EMILIN1: variants seen among roughly 807,000 people sequenced by gnomAD.
EMILIN1 encodes the protein EMILIN-1.
EMILIN1 carries 49 observed loss-of-function variants against 82.4 expected under a neutral mutation model. The observed-to-expected ratio is 0.59, with a 90% confidence interval of 0.47 to 0.75. The LOEUF is 0.75. Among genes scored for constraint, EMILIN1 ranks in the 30% least tolerant of loss-of-function variants. The probability of loss-of-function intolerance (pLI) is 0.00; values close to 1 mark genes in which losing one functional copy is unlikely to be tolerated. For synonymous variants in EMILIN1, 604 were observed against 602.2 expected (o/e 1.00, Z -0.04); for missense variants, 1,313 against 1,366.4 (o/e 0.96, Z 0.62).
chr2:27,084,132 C>G, intron 4 of EMILIN1, 121 bp downstream of exon 4: 2 of 1,141,934 alleles, frequency 1.8e-6, no homozygotes, highest in South Asian at 1.8e-5. Context: ...AATTGCAGCC[C>G]CAGCCAGTAT....
At position 27,086,299 on chromosome 2, in the gene EMILIN1, G is replaced by A. The variant is rs972437021; in HGVS notation, c.*284G>A. 2 of 340,872 alleles carry A rather than the reference G, an allele frequency of 5.9e-6. No individual in the cohort carries two copies. The highest frequency in any genetic ancestry group is 2.1e-5 in the African/African-American group (1 of 46,918). The allele number at this position is 340,872 out of a possible 1,614,324, so 21.1% of individuals were successfully genotyped here. ...CTCGCACCCTCCGCTCCCTCCACTG[G>A]CCCTCCAGGTCGATTCCCTGGGCTC... On this transcript the variant is annotated 3_prime_UTR_variant, in exon 8 of 8. Coordinates refer to ENST00000380320, the MANE Select transcript of EMILIN1 (RefSeq NM_007046.4).
intron 7 of EMILIN1, 109 bp downstream of exon 7, chr2:27,085,406 T>TG: frequency 7.3e-7 from 1 of 1,373,190 alleles, no homozygotes; most frequent in South Asian, 1.2e-5. Flanking sequence ...TTCTCTGATT[T>TG]GGGGAGACCC....
Position 27,080,206 on chromosome 2 carries a change from G to C in EMILIN1, c.226G>C (p.Val76Leu). Residue 76 changes from valine to leucine, a missense_variant, in exon 2 of 8, where the codon GTG (valine) becomes CTG (leucine). Coordinates refer to ENST00000380320, the MANE Select transcript of EMILIN1 (RefSeq NM_007046.4). The stretch of plus-strand genomic sequence containing the variant: ...AGTGAGCTGTGTCCTTGAGGATGGA[G>C]TGGAGACATATGTCAAGTACCAGCC... ...RTVSCVLEDG[V>L]ETYVKYQPCA... is the part of the protein sequence containing the mutation. 1 of 1,614,166 alleles carries C rather than the reference G, an allele frequency of 6.2e-7. No homozygotes were observed. The highest frequency in any genetic ancestry group is 8.5e-7 in the Non-Finnish European group (1 of 1,179,986).
rs1346062395 is a variant in EMILIN1 at position 27,083,778 on chromosome 2, G to A, written c.2207G>A (p.Arg736Gln). The change falls in exon 4 of 8, where the codon CGG becomes CAG. Residue 736 changes from arginine to glutamine, a missense_variant. By Grantham distance (43) the Arg-to-Gln change is conservative (BLOSUM62 1). Transcript: ENST00000380320. ...GGCCGTCTTGAGGGTGTCTGTGAAC[G>A]GTTGGACACTGTGGCTGGGGGACTG... ...RLGRLEGVCERLDTVAGGLQG... is the reference protein window; with the variant it reads ...RLGRLEGVCEQLDTVAGGLQG... 12 of 1,607,110 alleles carry A rather than the reference G, an allele frequency of 7.5e-6. No individual in the cohort carries two copies. The highest frequency in any genetic ancestry group is 9.4e-6 in the Non-Finnish European group (11 of 1,174,238).
In EMILIN1 at chr2:27,078,717, C is replaced by T. The variant is rs921646644; in HGVS notation, c.-349C>T. The T allele has an allele frequency of 1.3e-4, 32 of 241,748 alleles. No individual in the cohort carries two copies. The highest frequency in any genetic ancestry group is 6.1e-4 in the African/African-American group (27 of 44,440). 15.0% of individuals were successfully genotyped at this position (241,748 alleles called of 1,614,324 possible). ...GAGACCAGAAGAGGGCCAGCTGGGA[C>T]GAGGGGGCGGACGCCCAGGAGGCAA... On this transcript the variant is annotated 5_prime_UTR_variant, in exon 1 of 8. In the 5' UTR this introduces an upstream ATG that the reference lacks. Coordinates refer to ENST00000380320, the MANE Select transcript of EMILIN1 (RefSeq NM_007046.4).
At chr2:27,081,264 C>T (rs1231918232) in intron 3 of EMILIN1, among the ~76,000 whole-genome samples, 1 of 152,178 alleles carries the variant, frequency 6.6e-6, no homozygotes, top group Non-Finnish European at 1.5e-5. Flanking sequence ...CAAGATCCTT[C>T]AAACAGCTGC....
rs570160834 is a variant in EMILIN1, at chr2:27,084,638, G to A, written c.2557+107G>A. Reference sequence around the variant, plus strand: ...GACATTCCACTCTGAACTTGACAAGGGGAATTGGGTACTACCTGACCGATA... The same window carrying A: ...GACATTCCACTCTGAACTTGACAAGAGGAATTGGGTACTACCTGACCGATA... On this transcript the variant is annotated intron_variant, in intron 5 of 7. Coordinates refer to ENST00000380320, the MANE Select transcript of EMILIN1 (RefSeq NM_007046.4). The A allele has an allele frequency of 1.2e-3, 862 of 714,504 alleles. 12 individuals are homozygous for A. The South Asian group carries it at 0.012, about 10-fold the overall frequency. 44.3% of individuals were successfully genotyped at this position (714,504 alleles called of 1,614,324 possible).
At position 27,082,260 on chromosome 2, in the gene EMILIN1, G is replaced by A. The variant is rs770735343; in HGVS notation, c.689G>A (p.Arg230His). The A allele has an allele frequency of 3.7e-6, 6 of 1,613,064 alleles. No individual in the cohort carries two copies. The highest frequency in any genetic ancestry group is 1.1e-5 in the South Asian group (1 of 91,090). Residue 230 changes from arginine (R) to histidine (H), a missense_variant, in exon 4 of 8, where the codon CGC becomes CAC. Transcript: ENST00000380320. ...CAGCAGCCAGCTGACGCGGCTGCCC[G>A]CCCTGGGGTGCATGAAACCCTCAAT... Reference protein sequence around the residue: ...GRQQPADAAARPGVHETLNEI... With the variant: ...GRQQPADAAAHPGVHETLNEI...
chr2:27,081,943 C>T, intron 3 of EMILIN1, 140 bp from the exon 4 acceptor site: 1 of 1,067,168 alleles, frequency 9.4e-7, no homozygotes, highest in Non-Finnish European at 1.3e-6. Flanking sequence ...AATGGAGTTT[C>T]TTTTTTTTTC....
At position 27,086,250 on chromosome 2, in the gene EMILIN1, G is replaced by A. The variant is rs1156434996; in HGVS notation, c.*235G>A. 2.7e-6 allele frequency: 1 copy of A among 368,166 alleles called. No individual in the cohort carries two copies. The highest frequency in any genetic ancestry group is 2.1e-5 in the African/African-American group (1 of 47,418). The allele number at this position is 368,166 out of a possible 1,614,324, so 22.8% of individuals were successfully genotyped here. A position where few individuals can be genotyped will look rare whatever the true frequency, so the allele number is the denominator to read the frequency against. ...CGCGATCCCCCAAGAACCCCTCCAG[G>A]GCCGGCCTGCGGAGGAGCCGATCCT... On this transcript the variant is annotated 3_prime_UTR_variant, in exon 8 of 8. Transcript: ENST00000380320.
At position 27,083,500 on chromosome 2, in the gene EMILIN1, G is replaced by T; in HGVS notation, c.1929G>T (p.Leu643=). 6.2e-7 allele frequency: 1 copy of T among 1,613,818 alleles called. No homozygotes were observed. The highest frequency in any genetic ancestry group is 1.1e-5 in the South Asian group (1 of 91,084). Residue 643 remains leucine, a synonymous_variant, in exon 4 of 8, where the codon CTG becomes CTT. Transcript: ENST00000380320. ...GGSSGSALQA[L]QGELSEVILS... Reference sequence around the variant, plus strand: ...GCTCAGGCTCAGCCCTGCAGGCCCTGCAAGGAGAGCTCTCTGAGGTTATTC... The same window carrying T: ...GCTCAGGCTCAGCCCTGCAGGCCCTTCAAGGAGAGCTCTCTGAGGTTATTC...
In EMILIN1 at chr2:27,085,009, G is replaced by C; in HGVS notation, c.2575+1G>C. On this transcript the variant is annotated splice_donor_variant, in intron 6 of 7. Transcript: ENST00000380320. LOFTEE classifies it high-confidence loss of function. ...CTCACAGGTCCTCAAGGTGAACAGG[G>C]TGAGTGCCTTTCATTTGATTCTGGA... 6.2e-7 allele frequency: 1 copy of C among 1,613,994 alleles called. No homozygotes were observed. The highest frequency in any genetic ancestry group is 8.5e-7 in the Non-Finnish European group (1 of 1,179,834).
Position 27,083,782 on chromosome 2 carries a change from G to A in EMILIN1, c.2211G>A (p.Leu737=). ...LGRLEGVCER[L]DTVAGGLQGL... The stretch of plus-strand genomic sequence containing the variant: ...GTCTTGAGGGTGTCTGTGAACGGTT[G>A]GACACTGTGGCTGGGGGACTGCAGG... The change falls in exon 4 of 8, where the codon TTG becomes TTA. Residue 737 remains leucine, a synonymous_variant. Coordinates refer to ENST00000380320, the MANE Select transcript of EMILIN1 (RefSeq NM_007046.4). 6.2e-7 allele frequency: 1 copy of A among 1,607,092 alleles called. No individual in the cohort carries two copies.
chr2:27,085,910 G>A lies in EMILIN1; in HGVS notation c.2946G>A (p.Thr982=). 1 of 1,558,596 alleles carries A rather than the reference G, an allele frequency of 6.4e-7. No homozygotes were observed. The highest frequency in any genetic ancestry group is 8.7e-7 in the Non-Finnish European group (1 of 1,148,668). ...TCCTGCCGCTGCAGGCCGGGGACAC[G>A]GTCTGCGTCGACCTGGTCATGGGGC... ...SLILPLQAGD[T]VCVDLVMGQL... is the part of the protein sequence containing the mutation. Residue 982 remains threonine, a synonymous_variant, in exon 8 of 8, where the codon ACG becomes ACA. Coordinates refer to ENST00000380320, the MANE Select transcript of EMILIN1 (RefSeq NM_007046.4).
At chr2:27,080,577 G>C (rs954185093) in intron 2 of EMILIN1, among the ~76,000 whole-genome samples, 155 bp from the exon 3 acceptor site, 1 of 152,196 alleles carries the variant, frequency 6.6e-6, no homozygotes, top group Non-Finnish European at 1.5e-5. Context: ...AAAGCTGACA[G>C]CTGTCAGCTA....
Position 27,082,897 on chromosome 2 carries a change from C to G in EMILIN1, c.1326C>G (p.Ala442=). 6.3e-7 allele frequency: 1 copy of G among 1,596,238 alleles called. No individual in the cohort carries two copies. The change falls in exon 4 of 8, where the codon GCC becomes GCG. Residue 442 remains alanine (A), a synonymous_variant. Transcript: ENST00000380320. ...GGCTGAGCCACTGGCTGCCTGCTGC[C>G]CGGGGCCGACTAGAGCAGTTGGGGG... ...PGGLSHWLPA[A]RGRLEQLGGL...
In EMILIN1 at chr2:27,082,894, T is replaced by G; in HGVS notation, c.1323T>G (p.Ala441=). 1 of 1,587,096 alleles carries G rather than the reference T, an allele frequency of 6.3e-7. No individual in the cohort carries two copies. Among genetic ancestry groups the G allele is most frequent in the Non-Finnish European group, 8.5e-7 (1 of 1,173,492 alleles). Residue 441 remains alanine, a synonymous_variant, in exon 4 of 8, where the codon GCT becomes GCG. Coordinates refer to ENST00000380320, the MANE Select transcript of EMILIN1 (RefSeq NM_007046.4). ...GGGGGCTGAGCCACTGGCTGCCTGC[T>G]GCCCGGGGCCGACTAGAGCAGTTGG... ...APGGLSHWLP[A]ARGRLEQLGG...
Position 27,083,803 on chromosome 2 carries a change from G to T in EMILIN1, c.2232G>T (p.Leu744=), listed in dbSNP as rs1285873905. ...GGTTGGACACTGTGGCTGGGGGACT[G>T]CAGGGCCTGCGCGAGGGCCTTTCCA... is the stretch of plus-strand genomic sequence containing the variant. ...CERLDTVAGG[L]QGLREGLSRH... is the part of the protein sequence containing the mutation. The change falls in exon 4 of 8, where the codon CTG becomes CTT. Residue 744 remains leucine, a synonymous_variant. Coordinates refer to ENST00000380320, the MANE Select transcript of EMILIN1 (RefSeq NM_007046.4). 6.2e-7 allele frequency: 1 copy of T among 1,601,630 alleles called. No homozygotes were observed. Among genetic ancestry groups the T allele is most frequent in the Non-Finnish European group, 8.5e-7 (1 of 1,170,242 alleles).
Position 27,085,008 on chromosome 2 carries a change from GGTGA to G in EMILIN1, c.2575+4_2575+7del. ...TCTCACAGGTCCTCAAGGTGAACAG[GGTGA>G]GTGCCTTTCATTTGATTCTGGAGGG... On this transcript the variant is annotated splice_donor_variant and splice_donor_region_variant and intron_variant, in intron 6 of 7. Transcript: ENST00000380320. LOFTEE classifies it high-confidence loss of function. The G allele has an allele frequency of 6.2e-7, 1 of 1,613,964 alleles. No homozygotes were observed. The highest frequency in any genetic ancestry group is 8.5e-7 in the Non-Finnish European group (1 of 1,179,816).
Sources: allele counts gnomAD v4.1 joint callset (sites outside exome capture counted in the v4.1 genomes callset), GRCh38; gene constraint gnomAD v4.1.1; transcripts MANE v1.5; gene names NCBI Gene and HGNC (gene_info 2026-07-23, HGNC 2026-07-21).